The following AS3MT variants were observed in gnomAD, a reference collection of about 807,000 sequenced individuals.
AS3MT encodes the protein S-adenosyl-L-methionine:arsenic(III) methyltransferase.
Under a neutral mutation model 45.3 loss-of-function variants are expected in AS3MT, and 47 were observed. The observed-to-expected ratio is 1.04, with a 90% CI of 0.82 to 1.32. AS3MT has a LOEUF of 1.32. AS3MT is among the 40% of genes most tolerant of loss of function. AS3MT has a pLI of 0.00. For missense variants in AS3MT, 396 were observed against 451.1 expected, an observed-to-expected ratio of 0.88 and a Z score of 1.11; for synonymous variants, 141 against 152.8, an observed-to-expected ratio of 0.92 and a Z score of 0.57.
chr10:102,883,367 C>A (rs1184752075), intron 9 of AS3MT, among the ~76,000 whole-genome samples: 1 of 151,420 alleles, frequency 6.6e-6, no homozygotes, highest in Non-Finnish European at 1.5e-5. Flanking sequence ...TCCCAAAGTA[C>A]TAGGATTATA....
Position 102,878,831 on chromosome 10 carries a change from A to G in AS3MT, c.743-18A>G. 6.2e-7 allele frequency: 1 copy of G among 1,610,138 alleles called. No homozygotes were observed. The highest frequency in any genetic ancestry group is 8.5e-7 in the Non-Finnish European group (1 of 1,178,326). ...GGGGGAGTGCTGGAGATGAACCGTGAATAAATTCTATTTTTAGGTGACTGT... is the reference window on the plus strand; with the variant it reads ...GGGGGAGTGCTGGAGATGAACCGTGGATAAATTCTATTTTTAGGTGACTGT... On this transcript the variant is annotated intron_variant, in intron 8 of 10. Coordinates refer to ENST00000369880, the MANE Select transcript of AS3MT (RefSeq NM_020682.4).
chr10:102,870,300 A>G, intron 3 of AS3MT, 89 bp downstream of exon 3: 2 of 1,490,420 alleles, frequency 1.3e-6, no homozygotes, highest in Middle Eastern at 1.7e-4. Flanking sequence ...ATTAACCCGT[A>G]GCCACCAACC....
chr10:102,873,317 G>C (rs903909018), intron 5 of AS3MT, 84 bp downstream of exon 5: 43 of 1,138,546 alleles, frequency 3.8e-5, no homozygotes, highest in Non-Finnish European at 4.9e-5. Context: ...CTCTCGCTCT[G>C]TCACCCAGGC....
chr10:102,884,876 C>T (rs1844924541), intron 9 of AS3MT, among the ~76,000 whole-genome samples: 1 of 152,136 alleles, frequency 6.6e-6, no homozygotes, highest in Admixed American at 6.6e-5. Context: ...AATAGATGTA[C>T]ATACTTTCAG....
At chr10:102,871,546 C>CGAAAAAAA (rs1844685619) in intron 3 of AS3MT, among the ~76,000 whole-genome samples, 1 of 23,266 alleles carries the variant, frequency 4.3e-5, no homozygotes, top group African/African-American at 2.1e-4. Flanking sequence ...GACTCCGTCT[C>CGAAAAAAA]AAAAAAAAAA....
chr10:102,889,994 C>CTT (rs763044924), intron 9 of AS3MT, among the ~76,000 whole-genome samples: 12,627 of 126,178 alleles, frequency 0.1, 944 homozygotes, highest in Non-Finnish European at 0.14. Context: ...ATTTTCTTTT[C>CTT]TTTTTTTTTT....
intron 9 of AS3MT, among the ~76,000 whole-genome samples, chr10:102,887,295 T>C (rs773896240): frequency 1.2e-4 from 18 of 152,230 alleles, no homozygotes; most frequent in Non-Finnish European, 1.6e-4. Context: ...GAATGTCTAT[T>C]CTGCAGCAGT....
At chr10:102,893,174 A>G (rs1224315024) in intron 10 of AS3MT, among the ~76,000 whole-genome samples, 1 of 151,910 alleles carries the variant, frequency 6.6e-6, no homozygotes, top group African/African-American at 2.4e-5. Context: ...AACCAAGATT[A>G]CAGTAGCACA....
chr10:102,878,662 C>T, intron 8 of AS3MT, 152 bp downstream of exon 8: 1 of 1,335,398 alleles, frequency 7.5e-7, no homozygotes, highest in Non-Finnish European at 1.0e-6. Context: ...TGGTAACCCC[C>T]CAAAAATTTT....
intron 9 of AS3MT, among the ~76,000 whole-genome samples, chr10:102,883,941 T>C (rs12249194): frequency 0.25 from 37,243 of 151,168 alleles, 4,747 homozygotes; most frequent in Middle Eastern, 0.31. Flanking sequence ...TCTACTCTTT[T>C]AGCAATTTTC....
In AS3MT at chr10:102,885,302, G is replaced by A. The variant is rs183790186; in HGVS notation, c.886-5242G>A. Among the ~76,000 whole-genome samples the A allele has an allele frequency of 5.6e-4, 85 of 151,946 alleles. No homozygotes were observed. In the East Asian group the frequency reaches 0.015, roughly 27 times the overall value. On this transcript the variant is annotated intron_variant, in intron 9 of 10. Coordinates refer to ENST00000369880, the MANE Select transcript of AS3MT (RefSeq NM_020682.4). ...CTGCAGTTCCATGCATGTTGCTGCA[G>A]GTGACAGGATTTCCTTCTTTTATTT...
intron 8 of AS3MT, 22 bp from the exon 9 acceptor site, chr10:102,878,827 C>T (rs760440040): frequency 8.7e-6 from 14 of 1,608,598 alleles, no homozygotes; most frequent in South Asian, 5.6e-5. Flanking sequence ...GGAGATGAAC[C>T]GTGAATAAAT....
chr10:102,888,017 A>T (rs77505796), intron 9 of AS3MT: 12,088 of 157,764 alleles, frequency 0.077, 557 homozygotes, highest in Middle Eastern at 0.16. Flanking sequence ...AGTCACAGTG[A>T]TCTTGCTGTT....
chr10:102,873,982 C>T (rs188852451), intron 5 of AS3MT, among the ~76,000 whole-genome samples: 42 of 152,008 alleles, frequency 2.8e-4, no homozygotes, highest in Non-Finnish European at 4.6e-4. Context: ...CGGCCAGGTG[C>T]GGTGGCTCAC....
At chr10:102,887,460 C>A (rs1844976908) in intron 9 of AS3MT, among the ~76,000 whole-genome samples, 1 of 152,120 alleles carries the variant, frequency 6.6e-6, no homozygotes, top group Non-Finnish European at 1.5e-5. Flanking sequence ...TATATCTCTT[C>A]TTTTAGATCT....
intron 3 of AS3MT, among the ~76,000 whole-genome samples, chr10:102,870,984 TC>T (rs1844670847): frequency 6.6e-6 from 1 of 152,080 alleles, no homozygotes; most frequent in Non-Finnish European, 1.5e-5. Flanking sequence ...GTGGCTCACG[TC>T]CGTCATCCCA....
chr10:102,888,204 A>G (rs1438731530), intron 9 of AS3MT: 3 of 152,380 alleles, frequency 2.0e-5, no homozygotes, highest in African/African-American at 7.2e-5. Context: ...CTTTGCCACA[A>G]GCTTTTTCAC....
At chr10:102,872,167 G>T (rs904093414) in intron 3 of AS3MT, among the ~76,000 whole-genome samples, 3 of 152,142 alleles carry the variant, frequency 2.0e-5, no homozygotes, top group Non-Finnish European at 4.4e-5. Context: ...TTATAGGCGT[G>T]AGCCACCGCG....
intron 6 of AS3MT, 120 bp from the exon 7 acceptor site, chr10:102,876,834 T>G (rs1590220490): frequency 2.1e-6 from 2 of 961,312 alleles, no homozygotes; most frequent in Non-Finnish European, 3.2e-6. Context: ...TCACAAAGGG[T>G]CAGCTTAAAC....
Sources: allele counts gnomAD v4.1 joint callset (sites outside exome capture counted in the v4.1 genomes callset), GRCh38; gene constraint gnomAD v4.1.1; transcripts MANE v1.5; gene names NCBI Gene and HGNC (gene_info 2026-07-23, HGNC 2026-07-21).